SNX10: variants seen among roughly 807,000 people sequenced by gnomAD.
SNX10 encodes the protein sorting nexin-10.
In SNX10, 25 loss-of-function variants were observed where a neutral mutation model predicts 28.5. The observed-to-expected ratio is 0.88, with a 90% CI of 0.64 to 1.22. The LOEUF (loss-of-function observed/expected upper bound fraction) is 1.22, where lower values mean the gene tolerates loss of function less well. Ranked by LOEUF, SNX10 falls within the 50% of genes most tolerant of loss-of-function variation. The pLI is 0.00. For missense variants in SNX10, 223 were observed against 242.6 expected, an observed-to-expected ratio of 0.92 and a Z score of 0.54; for synonymous variants, 62 against 81.4, an observed-to-expected ratio of 0.76 and a Z score of 1.28.
At chr7:26,344,614 T>TTA (rs1788308430) in intron 1 of SNX10, among the ~76,000 whole-genome samples, 1 of 152,232 alleles carries the variant, frequency 6.6e-6, no homozygotes. Context: ...CACGGTGTCC[T>TTA]TTCCTATCAG....
intron 1 of SNX10, among the ~76,000 whole-genome samples, chr7:26,311,867 G>A (rs1298137386): frequency 2.0e-5 from 3 of 151,728 alleles, no homozygotes; most frequent in Admixed American, 6.6e-5. Flanking sequence ...AGATTTTCAC[G>A]CACGTGGATG....
intron 1 of SNX10, among the ~76,000 whole-genome samples, chr7:26,292,638 C>G (rs888796601): frequency 1.3e-5 from 2 of 152,104 alleles, no homozygotes; most frequent in East Asian, 3.9e-4. Context: ...TTTTCAGTTC[C>G]GATGCATCAT....
intron 5 of SNX10, among the ~76,000 whole-genome samples, chr7:26,365,681 G>T (rs543035399): frequency 1.3e-5 from 2 of 152,124 alleles, no homozygotes; most frequent in African/African-American, 4.8e-5. Context: ...GTGATGGTGG[G>T]TATTGCCGTT....
chr7:26,316,315 C>G (rs1787089855), intron 1 of SNX10, among the ~76,000 whole-genome samples: 1 of 152,006 alleles, frequency 6.6e-6, no homozygotes, highest in Non-Finnish European at 1.5e-5. Context: ...TCAGACCTGA[C>G]AGCAACCCAG....
chr7:26,372,659 A>G lies in SNX10; in HGVS notation c.*87A>G, dbSNP rs957652110. The G allele has an allele frequency of 3.3e-5, 27 of 811,346 alleles. No individual in the cohort carries two copies. The highest frequency in any genetic ancestry group is 5.8e-5 in the Non-Finnish European group (27 of 463,696). The allele number at this position is 811,346 out of a possible 1,614,324, so 50.3% of individuals were successfully genotyped here. A position where few individuals can be genotyped will look rare whatever the true frequency, so the allele number is the denominator to read the frequency against. ...GCTTCATAATAATACATTCTTACCT[A>G]AAGCTCACTGTCATGATGTTAGGTA... On this transcript the variant is annotated 3_prime_UTR_variant, in exon 7 of 7. Transcript: ENST00000338523.
At chr7:26,308,688 C>T (rs993301988) in intron 1 of SNX10, among the ~76,000 whole-genome samples, 2 of 152,052 alleles carry the variant, frequency 1.3e-5, no homozygotes, top group Admixed American at 6.6e-5. Context: ...TTTTGTGAGC[C>T]GCTCTAGCAA....
intron 2 of SNX10, chr7:26,360,717 A>C: frequency 1.5e-6 from 1 of 656,384 alleles, no homozygotes; most frequent in Non-Finnish European, 2.2e-6. Context: ...GTCTTCAGAT[A>C]ACCAGTAAAA....
chr7:26,339,530 C>T (rs1450474390), intron 1 of SNX10, among the ~76,000 whole-genome samples: 9 of 96,030 alleles, frequency 9.4e-5, no homozygotes, highest in African/African-American at 2.3e-4. Context: ...TGAGCTTGAT[C>T]TTTTTTTTTT....
intron 1 of SNX10, among the ~76,000 whole-genome samples, chr7:26,315,302 C>T (rs762241857): frequency 7.2e-5 from 11 of 152,126 alleles, no homozygotes; most frequent in Non-Finnish European, 1.5e-4. Context: ...TAACTTTATA[C>T]AGTACATTAT....
intron 1 of SNX10, among the ~76,000 whole-genome samples, chr7:26,307,321 C>T (rs978578550): frequency 6.6e-6 from 1 of 152,220 alleles, no homozygotes; most frequent in African/African-American, 2.4e-5. Context: ...CCTCTCAAAA[C>T]AGCCCCCCTT....
intron 1 of SNX10, among the ~76,000 whole-genome samples, chr7:26,327,414 C>G (rs1315149998): frequency 6.6e-6 from 1 of 152,226 alleles, no homozygotes; most frequent in Middle Eastern, 3.2e-3. Flanking sequence ...GTGTCTTCAT[C>G]TGGAGTGCAA....
At chr7:26,333,322 CTTTTTTTTT>C (rs10636369) in intron 1 of SNX10, among the ~76,000 whole-genome samples, 1 of 113,702 alleles carries the variant, frequency 8.8e-6, no homozygotes, top group South Asian at 3.2e-4. Context: ...GTATTTTATT[CTTTTTTTTT>C]TTTTTTTTTT....
At chr7:26,363,914 A>T (rs1394475052) in intron 3 of SNX10, among the ~76,000 whole-genome samples, 1 of 152,254 alleles carries the variant, frequency 6.6e-6, no homozygotes, top group Non-Finnish European at 1.5e-5. Flanking sequence ...TAGCAGAACC[A>T]GGACTGGAAT....
chr7:26,339,007 T>TA (rs1208885939), intron 1 of SNX10, among the ~76,000 whole-genome samples: 1 of 152,224 alleles, frequency 6.6e-6, no homozygotes, highest in Non-Finnish European at 1.5e-5. Context: ...AGAGACTACA[T>TA]GGCCCCTAAA....
intron 1 of SNX10, among the ~76,000 whole-genome samples, chr7:26,296,419 G>A (rs1786113665): frequency 6.6e-6 from 1 of 152,102 alleles, no homozygotes; most frequent in South Asian, 2.1e-4. Flanking sequence ...GGGAGGTCGA[G>A]GTAGGAGGAT....
chr7:26,351,267 C>G (rs149617040), intron 2 of SNX10, among the ~76,000 whole-genome samples: 1 of 152,204 alleles, frequency 6.6e-6, no homozygotes, highest in Non-Finnish European at 1.5e-5. Flanking sequence ...AATAACTTTA[C>G]AGTGGAGAAA....
intron 3 of SNX10, among the ~76,000 whole-genome samples, chr7:26,361,767 T>C (rs890836102): frequency 6.6e-6 from 1 of 152,264 alleles, no homozygotes; most frequent in Non-Finnish European, 1.5e-5. Flanking sequence ...AGACAGTGCA[T>C]AAATGAATGA....
Position 26,361,075 on chromosome 7 carries a change from CAGT to C in SNX10, c.111+17_111+19del, listed in dbSNP as rs1372261783. On this transcript the variant is annotated intron_variant, in intron 3 of 6. Transcript: ENST00000338523. ...ATATGTATTCATGTAAGTATGTAGTCAGTAGAAATAGTAATTTTGAGGGACTTT... is the reference window on the plus strand; with the variant it reads ...ATATGTATTCATGTAAGTATGTAGTCAGAAATAGTAATTTTGAGGGACTTT... 6.3e-7 allele frequency: 1 copy of C among 1,578,086 alleles called. No individual in the cohort carries two copies. Among genetic ancestry groups the C allele is most frequent in the Non-Finnish European group, 8.6e-7 (1 of 1,160,532 alleles).
intron 2 of SNX10, among the ~76,000 whole-genome samples, chr7:26,350,495 C>T (rs73068463): frequency 0.12 from 18,033 of 152,168 alleles, 1,146 homozygotes; most frequent in South Asian, 0.15. Flanking sequence ...TTTTGATATT[C>T]GGAAACTGAC....
Sources: gnomAD v4.1 joint callset for allele counts (sites outside exome capture counted in the v4.1 genomes callset) on GRCh38, gnomAD v4.1.1 for gene constraint, MANE v1.5 for transcripts, NCBI Gene and HGNC (gene_info 2026-07-23, HGNC 2026-07-21) for gene names.